Variants in SGCZ observed in about 807,000 individuals in gnomAD.
The protein encoded by SGCZ is zeta-sarcoglycan.
In SGCZ, 40 loss-of-function variants were observed where a neutral mutation model predicts 41.3. The ratio of observed to expected loss-of-function variants is 0.97; its 90% confidence interval spans 0.75 to 1.26. The LOEUF (loss-of-function observed/expected upper bound fraction) is 1.26. SGCZ is among the 50% of genes most tolerant of loss of function. The probability of loss-of-function intolerance (pLI) is 0.00; values close to 1 mark genes in which losing one functional copy is unlikely to be tolerated. For missense variants in SGCZ, 552 were observed against 369.8 expected (o/e 1.49, Z -4.04); for synonymous variants, 206 against 137.5 (o/e 1.50, Z -3.49).
At chr8:14,335,786 A>G (rs1003778182) in intron 2 of SGCZ, among the ~76,000 whole-genome samples, 2 of 152,038 alleles carry the variant, frequency 1.3e-5, no homozygotes, top group African/African-American at 4.8e-5. Flanking sequence ...GTCTTCCCAG[A>G]GCTTGTGCCA....
chr8:14,924,607 A>G (rs1472298538), intron 1 of SGCZ, among the ~76,000 whole-genome samples: 2 of 152,136 alleles, frequency 1.3e-5, no homozygotes, highest in Non-Finnish European at 2.9e-5. Flanking sequence ...TTTAACATGG[A>G]AAAACTAGTG....
intron 1 of SGCZ, among the ~76,000 whole-genome samples, chr8:14,895,407 G>A (rs1805161031): frequency 6.6e-6 from 1 of 152,048 alleles, no homozygotes; most frequent in Non-Finnish European, 1.5e-5. Context: ...ACATCTGTGT[G>A]TGTTTTTTTG....
At chr8:15,097,119 T>C (rs576670981) in intron 1 of SGCZ, among the ~76,000 whole-genome samples, 2 of 152,290 alleles carry the variant, frequency 1.3e-5, no homozygotes, top group East Asian at 1.9e-4. Flanking sequence ...ATCCATAAAC[T>C]GTAAACATCT....
chr8:15,222,587 C>G (rs1036025536), intron 1 of SGCZ, among the ~76,000 whole-genome samples: 1 of 152,130 alleles, frequency 6.6e-6, no homozygotes, highest in Non-Finnish European at 1.5e-5. Flanking sequence ...GAATTTTTCA[C>G]AATCATTTAT....
At chr8:14,579,472 T>C (rs1804815934) in intron 1 of SGCZ, among the ~76,000 whole-genome samples, 1 of 152,206 alleles carries the variant, frequency 6.6e-6, no homozygotes, top group African/African-American at 2.4e-5. Flanking sequence ...GAAGCAGTAT[T>C]GATCTTTTTA....
intron 1 of SGCZ, among the ~76,000 whole-genome samples, chr8:14,581,603 A>C (rs1804891282): frequency 6.6e-6 from 1 of 152,142 alleles, no homozygotes; most frequent in Non-Finnish European, 1.5e-5. Flanking sequence ...CCAGAGGCAA[A>C]ACAGAATCAC....
At chr8:14,392,690 A>G (rs1463547199) in intron 2 of SGCZ, among the ~76,000 whole-genome samples, 1 of 152,278 alleles carries the variant, frequency 6.6e-6, no homozygotes, top group East Asian at 1.9e-4. Flanking sequence ...ATCCATATAA[A>G]AACAGAACAA....
chr8:14,113,460 G>T (rs1395184948), intron 5 of SGCZ, among the ~76,000 whole-genome samples: 1 of 151,970 alleles, frequency 6.6e-6, no homozygotes, highest in Non-Finnish European at 1.5e-5. Context: ...ATATGCCATT[G>T]TATTCTTGCG....
At chr8:14,414,569 A>T (rs1189692459) in intron 2 of SGCZ, among the ~76,000 whole-genome samples, 1 of 152,022 alleles carries the variant, frequency 6.6e-6, no homozygotes, top group Admixed American at 6.6e-5. Context: ...TTAACAAGTC[A>T]TGGAATTTAA....
At chr8:15,150,437 C>A (rs1202870162) in intron 1 of SGCZ, among the ~76,000 whole-genome samples, 1 of 152,160 alleles carries the variant, frequency 6.6e-6, no homozygotes, top group East Asian at 1.9e-4. Flanking sequence ...GGCCATAGAC[C>A]CTGCTGAGCA....
chr8:14,395,877 A>G (rs1798905411), intron 2 of SGCZ, among the ~76,000 whole-genome samples: 1 of 152,224 alleles, frequency 6.6e-6, no homozygotes, highest in African/African-American at 2.4e-5. Context: ...AAGTTACTGC[A>G]AAAAGTATCT....
intron 1 of SGCZ, among the ~76,000 whole-genome samples, chr8:14,704,014 A>G (rs903591106): frequency 6.6e-6 from 1 of 152,100 alleles, no homozygotes; most frequent in Non-Finnish European, 1.5e-5. Flanking sequence ...TTTCTTCTTC[A>G]TGAGAAATTA....
chr8:14,898,839 T>C (rs1220681743), intron 1 of SGCZ, among the ~76,000 whole-genome samples: 1 of 152,192 alleles, frequency 6.6e-6, no homozygotes, highest in Non-Finnish European at 1.5e-5. Flanking sequence ...CTATATTGTA[T>C]GCATTGTGTG....
chr8:14,920,739 G>C (rs550337934), intron 1 of SGCZ, among the ~76,000 whole-genome samples: 1 of 152,250 alleles, frequency 6.6e-6, no homozygotes, highest in East Asian at 1.9e-4. Flanking sequence ...TTTTAATATA[G>C]TTAACTATCA....
intron 1 of SGCZ, among the ~76,000 whole-genome samples, chr8:14,976,494 T>A (rs1337676978): frequency 6.6e-6 from 1 of 152,176 alleles, no homozygotes; most frequent in Admixed American, 6.6e-5. Flanking sequence ...GTTAGATGTA[T>A]TTTACAAGTT....
chr8:14,357,688 T>C (rs1237505867), intron 2 of SGCZ, among the ~76,000 whole-genome samples: 1 of 152,218 alleles, frequency 6.6e-6, no homozygotes, highest in South Asian at 2.1e-4. Flanking sequence ...CCAAACACTT[T>C]ATATGTATTA....
intron 1 of SGCZ, among the ~76,000 whole-genome samples, chr8:14,652,277 GT>G (rs1455753983): frequency 1.5e-5 from 2 of 135,898 alleles, no homozygotes; most frequent in Non-Finnish European, 3.1e-5. Flanking sequence ...GGAGGTGGAG[GT>G]TGCGGTGAGC....
At chr8:14,242,750 AG>A (rs1257683192) in intron 3 of SGCZ, among the ~76,000 whole-genome samples, 2 of 152,198 alleles carry the variant, frequency 1.3e-5, no homozygotes, top group Non-Finnish European at 2.9e-5. Context: ...CAGCTAAAAA[AG>A]GTAACAAGCC....
intron 1 of SGCZ, among the ~76,000 whole-genome samples, chr8:14,800,226 T>C (rs560587439): frequency 1.3e-5 from 2 of 152,294 alleles, no homozygotes; most frequent in South Asian, 4.1e-4. Flanking sequence ...CACATGTGTT[T>C]AGGAAAAATC....
Sources: allele counts gnomAD v4.1 joint callset (sites outside exome capture counted in the v4.1 genomes callset), GRCh38; gene constraint gnomAD v4.1.1; transcripts MANE v1.5; gene names NCBI Gene and HGNC (gene_info 2026-07-23, HGNC 2026-07-21).